REC114: variants seen among roughly 807,000 people sequenced by gnomAD.
The protein encoded by REC114 is meiotic recombination protein REC114.
A neutral mutation model predicts 31.3 loss-of-function variants in REC114; 27 were observed. The ratio of observed to expected loss-of-function variants is 0.86; its 90% CI spans 0.64 to 1.19. The LOEUF is 1.19. Among genes scored for constraint, REC114 ranks in the 50% most tolerant of loss-of-function variants. REC114 has a pLI of 0.00. For synonymous variants in REC114, 134 were observed against 127.7 expected, an observed-to-expected ratio of 1.05 and a Z score of -0.33; for missense variants, 344 against 326.9, an observed-to-expected ratio of 1.05 and a Z score of -0.40.
chr15:73,483,719 G>A (rs1893327284), intron 2 of REC114: 1 of 152,342 alleles, frequency 6.6e-6, no homozygotes, highest in African/African-American at 2.4e-5. Flanking sequence ...CAATTCCAGG[G>A]ATGGTCTGGT....
At chr15:73,556,744 A>G (rs1894474193) in intron 5 of REC114, among the ~76,000 whole-genome samples, 1 of 152,228 alleles carries the variant, frequency 6.6e-6, no homozygotes, top group Non-Finnish European at 1.5e-5. Flanking sequence ...GAAATTTGGG[A>G]ACTATTTTAA....
At chr15:73,456,080 A>G (rs1238573683) in intron 1 of REC114, among the ~76,000 whole-genome samples, 1 of 152,216 alleles carries the variant, frequency 6.6e-6, no homozygotes, top group Non-Finnish European at 1.5e-5. Context: ...TTAATATTTA[A>G]GCCATCTGTC....
In REC114 at chr15:73,540,385, A is replaced by G. The variant is rs890850763; in HGVS notation, c.250-100A>G. 13 of 898,692 alleles carry G rather than the reference A, an allele frequency of 1.4e-5. No homozygotes were observed. In the African/African-American group the frequency reaches 1.8e-4, roughly 12 times the overall value. 55.7% of individuals were successfully genotyped at this position (898,692 alleles called of 1,614,324 possible). On this transcript the variant is annotated intron_variant, in intron 2 of 5. Transcript: ENST00000331090. ...CATTGCTACTATGTTTGAGTTACAC[A>G]ATAAACAAATATACAACTTTCTAAC... is the stretch of plus-strand genomic sequence containing the variant.
chr15:73,456,553 A>G (rs1892918513), intron 1 of REC114, among the ~76,000 whole-genome samples: 1 of 152,192 alleles, frequency 6.6e-6, no homozygotes, highest in African/African-American at 2.4e-5. Context: ...AGTATATGAT[A>G]GATGCTCAGT....
chr15:73,549,015 TG>T (rs1894352254), intron 3 of REC114, among the ~76,000 whole-genome samples: 1 of 152,042 alleles, frequency 6.6e-6, no homozygotes, highest in African/African-American at 2.4e-5. Flanking sequence ...CAACACACAC[TG>T]GGGCCTTTTG....
chr15:73,526,289 G>T (rs1201509704), intron 2 of REC114, among the ~76,000 whole-genome samples: 1 of 152,056 alleles, frequency 6.6e-6, no homozygotes, highest in African/African-American at 2.4e-5. Flanking sequence ...TCTTTTCAGG[G>T]TTTAGACCCT....
At chr15:73,477,202 CCTT>C (rs1893227046) in intron 2 of REC114, among the ~76,000 whole-genome samples, 1 of 152,038 alleles carries the variant, frequency 6.6e-6, no homozygotes, top group Non-Finnish European at 1.5e-5. Context: ...GAGTTGTTTG[CCTT>C]CTTATATTCG....
chr15:73,455,667 T>C (rs1892905515), intron 1 of REC114, among the ~76,000 whole-genome samples: 1 of 152,220 alleles, frequency 6.6e-6, no homozygotes, highest in Non-Finnish European at 1.5e-5. Flanking sequence ...TTTGATTTAC[T>C]TCTTTGAACT....
intron 2 of REC114, among the ~76,000 whole-genome samples, chr15:73,485,666 C>T (rs1893355483): frequency 6.6e-6 from 1 of 152,172 alleles, no homozygotes; most frequent in African/African-American, 2.4e-5. Context: ...CCTGCTTCAC[C>T]TTCTTTAAGC....
intron 2 of REC114, among the ~76,000 whole-genome samples, chr15:73,537,775 G>C (rs1595880526): frequency 6.6e-6 from 1 of 152,152 alleles, no homozygotes; most frequent in East Asian, 1.9e-4. Context: ...AAAAATCAGA[G>C]CAATGTAAAA....
intron 2 of REC114, among the ~76,000 whole-genome samples, chr15:73,508,445 A>G (rs1319877877): frequency 2.8e-5 from 4 of 142,662 alleles, no homozygotes; most frequent in Admixed American, 2.8e-4. Flanking sequence ...TTCTTTTTTA[A>G]TTTTTTTTTT....
chr15:73,501,420 G>C (rs1467196823), intron 2 of REC114, among the ~76,000 whole-genome samples: 1 of 152,114 alleles, frequency 6.6e-6, no homozygotes, highest in Non-Finnish European at 1.5e-5. Flanking sequence ...TATCCTGTGA[G>C]CCTTTTCCAG....
chr15:73,496,803 A>G (rs1893534742), intron 2 of REC114, among the ~76,000 whole-genome samples: 1 of 152,166 alleles, frequency 6.6e-6, no homozygotes, highest in South Asian at 2.1e-4. Context: ...TACAGACCTT[A>G]TTCAAAATTT....
chr15:73,557,507 CAA>C (rs1894489170), intron 5 of REC114, among the ~76,000 whole-genome samples: 1 of 151,232 alleles, frequency 6.6e-6, no homozygotes, highest in African/African-American at 2.4e-5. Context: ...ATAAAAAACT[CAA>C]GAGGTAGGAA....
At chr15:73,490,442 C>G (rs1893427351) in intron 2 of REC114, among the ~76,000 whole-genome samples, 1 of 152,190 alleles carries the variant, frequency 6.6e-6, no homozygotes, top group Admixed American at 6.5e-5. Flanking sequence ...GGCGCAGTGG[C>G]CCATGCCTGT....
chr15:73,458,151 G>A (rs1231105594), intron 1 of REC114, among the ~76,000 whole-genome samples: 1 of 152,068 alleles, frequency 6.6e-6, no homozygotes, highest in African/African-American at 2.4e-5. Flanking sequence ...AGGGAAGAGG[G>A]GACAATTCAC....
chr15:73,476,384 T>C (rs1026053119), intron 2 of REC114, among the ~76,000 whole-genome samples: 8 of 152,218 alleles, frequency 5.3e-5, no homozygotes, highest in African/African-American at 1.9e-4. Flanking sequence ...CTTGTGGCTC[T>C]TTGCAGTGAG....
rs1459572934 is a variant in REC114 at position 73,509,036 on chromosome 15, G to C, written c.250-31449G>C. Among the ~76,000 whole-genome samples the C allele has an allele frequency of 2.6e-5, 4 of 151,862 alleles. No homozygotes were observed. In the South Asian group the frequency reaches 8.4e-4, roughly 32 times the overall value. On this transcript the variant is annotated intron_variant, in intron 2 of 5. Coordinates refer to ENST00000331090, the MANE Select transcript of REC114 (RefSeq NM_001042367.2). Reference sequence around the variant, plus strand: ...AATCGCCACACTGACTTCCACAATGGTTGAACTAGTTTACAGTCCCACCAA... The same window carrying C: ...AATCGCCACACTGACTTCCACAATGCTTGAACTAGTTTACAGTCCCACCAA...
chr15:73,460,326 T>A (rs552591220), intron 1 of REC114, among the ~76,000 whole-genome samples: 87 of 152,274 alleles, frequency 5.7e-4, no homozygotes, highest in African/African-American at 2.0e-3. Context: ...GTATTAAAAT[T>A]CATTCATTTT....
Sources: allele counts gnomAD v4.1 joint callset (sites outside exome capture counted in the v4.1 genomes callset), GRCh38; gene constraint gnomAD v4.1.1; transcripts MANE v1.5; gene names NCBI Gene and HGNC (gene_info 2026-07-23, HGNC 2026-07-21).